The following RASGRP2 variants were observed in gnomAD, a reference collection of about 807,000 sequenced individuals.
RASGRP2 encodes the protein RAS guanyl-releasing protein 2.
RASGRP2 carries 44 observed loss-of-function variants against 71.0 expected under a neutral mutation model. The ratio of observed to expected loss-of-function variants is 0.62; its 90% confidence interval spans 0.49 to 0.80. The LOEUF (loss-of-function observed/expected upper bound fraction) is 0.80. Ranked by LOEUF, RASGRP2 falls within the 30% of genes least tolerant of loss-of-function variation. The probability of loss-of-function intolerance (pLI) is 0.00; values close to 1 mark genes in which losing one functional copy is unlikely to be tolerated. For missense variants in RASGRP2, 663 were observed against 813.4 expected, an observed-to-expected ratio of 0.82 and a Z score of 2.25; for synonymous variants, 350 against 330.7, an observed-to-expected ratio of 1.06 and a Z score of -0.63.
intron 12 of RASGRP2, among the ~76,000 whole-genome samples, chr11:64,733,395 AACACACACACACACACACACACACAC>A (rs4014428): frequency 8.0e-6 from 1 of 124,796 alleles, no homozygotes. Context: ...CCCCCTCACC[AACACACACACACACACACACACACAC>A]ACACACACAC....
At position 64,742,184 on chromosome 11, in the gene RASGRP2, A is replaced by AC. The variant is rs2058150190; in HGVS notation, c.74-73dup. 8.3e-7 allele frequency: 1 copy of AC among 1,203,768 alleles called. No homozygotes were observed. The highest frequency in any genetic ancestry group is 1.3e-5 in the South Asian group (1 of 77,116). The allele number at this position is 1,203,768 out of a possible 1,614,324, so 74.6% of individuals were successfully genotyped here. Reference sequence around the variant, plus strand: ...TACCATGCCTCATCCTCACCCCGCAACCCGCCAGGTATCGGTCCTTCGGGT... The same window carrying AC: ...TACCATGCCTCATCCTCACCCCGCAACCCCGCCAGGTATCGGTCCTTCGGGT... On this transcript the variant is annotated intron_variant, in intron 2 of 16. Transcript: ENST00000394432. This position sits in a 1 kb window ranked among gnomAD's most constrained non-coding sequence, Gnocchi z 4.7.
At chr11:64,730,318 G>A in intron 12 of RASGRP2, 124 bp from the exon 13 acceptor site, 1 of 1,266,076 alleles carries the variant, frequency 7.9e-7, no homozygotes, top group Non-Finnish European at 1.1e-6. Flanking sequence ...CTGTTGCAGA[G>A]TAAAGAAAAG....
chr11:64,727,751 G>A (rs1398268453), intron 15 of RASGRP2, among the ~76,000 whole-genome samples: 2 of 151,924 alleles, frequency 1.3e-5, no homozygotes, highest in African/African-American at 4.8e-5. Flanking sequence ...TCCTGACCTC[G>A]GGTGATCCAC....
rs758364639 is a variant in RASGRP2 at position 64,735,945 on chromosome 11, C to T, written c.1131G>A (p.Leu377=). Residue 377 remains leucine (L), a synonymous_variant, in exon 10 of 17, where the codon CTG becomes CTA. Coordinates refer to ENST00000394432, the MANE Select transcript of RASGRP2 (RefSeq NM_001098671.2). This position sits in a 1 kb window ranked among gnomAD's most constrained non-coding sequence, Gnocchi z 4.2. Reference sequence around the variant, plus strand: ...GCTCCCGCTGCAGGGACAGCTGGTACAGCTCATCCTCCGTCTGATACTGAT... The same window carrying T: ...GCTCCCGCTGCAGGGACAGCTGGTATAGCTCATCCTCCGTCTGATACTGAT... ...SLDQYQTEDE[L]YQLSLQREPR... is the part of the protein sequence containing the mutation. 1.9e-6 allele frequency: 3 copies of T among 1,613,900 alleles called. No individual in the cohort carries two copies. The highest frequency in any genetic ancestry group is 1.1e-5 in the South Asian group (1 of 91,074).
chr11:64,729,725 A>G, intron 14 of RASGRP2, 37 bp downstream of exon 14: 1 of 1,609,766 alleles, frequency 6.2e-7, no homozygotes, highest in Non-Finnish European at 8.5e-7. Context: ...AAAAAAAAAA[A>G]CACTGCCCAG....
In RASGRP2 at chr11:64,734,933, C is replaced by T. The variant is rs77537177; in HGVS notation, c.1412+179G>A. Among the ~76,000 whole-genome samples, 1,136 of 152,240 alleles carry T rather than the reference C, an allele frequency of 7.5e-3. 11 individuals are homozygous for T. Among genetic ancestry groups the T allele is most frequent in the African/African-American group, 0.021 (871 of 41,522 alleles). On this transcript the variant is annotated intron_variant, in intron 12 of 16. Coordinates refer to ENST00000394432, the MANE Select transcript of RASGRP2 (RefSeq NM_001098671.2). ...TGTCTGAATTTGTGAGATACCACTG[C>T]GCCTCCACAGCTGGCAGCCTCTCCT...
chr11:64,737,673 C>T (rs1254730866), intron 8 of RASGRP2, among the ~76,000 whole-genome samples: 4 of 59,954 alleles, frequency 6.7e-5, no homozygotes, highest in Admixed American at 3.9e-4. Flanking sequence ...AGCAAGACTC[C>T]ATCTCAAAAA....
chr11:64,736,014 C>A lies in RASGRP2; in HGVS notation c.1096-34G>T, dbSNP rs768055537. On this transcript the variant is annotated intron_variant, in intron 9 of 16. Coordinates refer to ENST00000394432, the MANE Select transcript of RASGRP2 (RefSeq NM_001098671.2). Reference sequence around the variant, plus strand: ...CACAGATCTGATCACCCCCACTGGCCCCTGCCCACAGCCACAGAGCCCAGG... The same window carrying A: ...CACAGATCTGATCACCCCCACTGGCACCTGCCCACAGCCACAGAGCCCAGG... 20 of 1,595,286 alleles carry A rather than the reference C, an allele frequency of 1.3e-5. No individual in the cohort carries two copies. The African/African-American group carries it at 2.5e-4, about 20-fold the overall frequency.
At chr11:64,744,407 C>CAGGCGGGGACGGCTCTGG, upstream of RASGRP2, 1 of 719,250 alleles carries the variant, frequency 1.4e-6, no homozygotes, top group Non-Finnish European at 1.7e-6. Context: ...CACCCAGAGC[C>CAGGCGGGGACGGCTCTGG]GTCCCCGCCT....
At chr11:64,740,683 A>G in intron 5 of RASGRP2, 1 of 651,452 alleles carries the variant, frequency 1.5e-6, no homozygotes, top group Admixed American at 2.2e-5. Flanking sequence ...CCATGATGAG[A>G]AAGGACTCGA....
In RASGRP2 at chr11:64,736,767, G is replaced by C. The variant is rs1382015882; in HGVS notation, c.1081C>G (p.Leu361Val). 2 of 1,592,156 alleles carry C rather than the reference G, an allele frequency of 1.3e-6. No homozygotes were observed. The highest frequency in any genetic ancestry group is 1.7e-6 in the Non-Finnish European group (2 of 1,169,944). Residue 361 changes from leucine to valine, a missense_variant, in exon 9 of 17, where the codon CTG (leucine) becomes GTG (valine). Physicochemically the swap from Leu to Val is conservative, Grantham distance 32. Coordinates refer to ENST00000394432, the MANE Select transcript of RASGRP2 (RefSeq NM_001098671.2). ...CTGCTCCTCACCGTGAGCAGGCTCA[G>C]CAGGTCGGGGTTGGCCTGTACTGGT... ...RPPVQANPDL[L>V]SLLTVSLDQY...
At position 64,741,035 on chromosome 11, in the gene RASGRP2, T is replaced by C; in HGVS notation, c.284A>G (p.Glu95Gly). 6.2e-7 allele frequency: 1 copy of C among 1,613,680 alleles called. No individual in the cohort carries two copies. Among genetic ancestry groups the C allele is most frequent in the Non-Finnish European group, 8.5e-7 (1 of 1,180,000 alleles). ...CAGCTCCTTGATCTGCTCAGCCAAC[T>C]CCGGGTTCAAGTCAAACTCCGCTGG... ...AFPAEFDLNP[E>G]LAEQIKELKA... Residue 95 changes from glutamate to glycine, a missense_variant, in exon 5 of 17, where the codon GAG (glutamate) becomes GGG (glycine). Coordinates refer to ENST00000394432, the MANE Select transcript of RASGRP2 (RefSeq NM_001098671.2).
intron 12 of RASGRP2, among the ~76,000 whole-genome samples, chr11:64,730,977 A>G (rs937941930): frequency 8.6e-5 from 13 of 151,946 alleles, no homozygotes; most frequent in Admixed American, 8.5e-4. Flanking sequence ...CTCGCTTGAG[A>G]CTCCCACCTG....
At chr11:64,732,182 TG>T (rs2057784569) in intron 12 of RASGRP2, among the ~76,000 whole-genome samples, 1 of 151,978 alleles carries the variant, frequency 6.6e-6, no homozygotes, top group African/African-American at 2.4e-5. Context: ...AGCACAAAGA[TG>T]AAAAAAAACA....
At position 64,742,753 on chromosome 11, in the gene RASGRP2, G is replaced by T; in HGVS notation, c.73+41C>A. The T allele has an allele frequency of 6.3e-7, 1 of 1,577,378 alleles. No homozygotes were observed. The highest frequency in any genetic ancestry group is 8.6e-7 in the Non-Finnish European group (1 of 1,162,470). On this transcript the variant is annotated intron_variant, in intron 2 of 16. Transcript: ENST00000394432. This position sits in a 1 kb window ranked among gnomAD's most constrained non-coding sequence, Gnocchi z 4.7. ...AGGCAGGGACCCGGGCTCAGACTCG[G>T]GGCTAGGCTCAGGCTCCGTGTGCCC...
In RASGRP2 at chr11:64,742,981, G is replaced by T. The variant is rs183319764; in HGVS notation, c.-71-44C>A. On this transcript the variant is annotated intron_variant, in intron 1 of 16. Coordinates refer to ENST00000394432, the MANE Select transcript of RASGRP2 (RefSeq NM_001098671.2). The surrounding 1 kb of genome is among the most constrained non-coding windows in gnomAD (Gnocchi z 4.7). Reference sequence around the variant, plus strand: ...AGCGGGAGTCTGCGGAGTCGCGGGCGGGGGAGCGGCCCCGCGGGCAGAAAC... The same window carrying T: ...AGCGGGAGTCTGCGGAGTCGCGGGCTGGGGAGCGGCCCCGCGGGCAGAAAC... 2.5e-5 allele frequency: 37 copies of T among 1,506,432 alleles called. No homozygotes were observed. The highest frequency in any genetic ancestry group is 3.0e-5 in the Non-Finnish European group (34 of 1,131,990). The allele number at this position is 1,506,432 out of a possible 1,614,324, so 93.3% of individuals were successfully genotyped here.
chr11:64,730,246 A>T (rs2057722585), intron 12 of RASGRP2, 52 bp from the exon 13 acceptor site: 1 of 1,550,098 alleles, frequency 6.5e-7, no homozygotes, highest in South Asian at 1.2e-5. Flanking sequence ...AGAACCATCC[A>T]CCGCTGGCCT....
Position 64,727,035 on chromosome 11 carries a change from C to A in RASGRP2, c.*103G>T. The A allele has an allele frequency of 2.4e-6, 1 of 410,076 alleles. No individual in the cohort carries two copies. Among genetic ancestry groups the A allele is most frequent in the South Asian group, 2.1e-5 (1 of 48,338 alleles). 25.4% of individuals were successfully genotyped at this position (410,076 alleles called of 1,614,324 possible). A position where few individuals can be genotyped will look rare whatever the true frequency, so the allele number is the denominator to read the frequency against. ...AGCTGCATGCCACCCTCATATCCCACCCCCATCCCCAGCCTCCTGCCCCGA... is the reference window on the plus strand; with the variant it reads ...AGCTGCATGCCACCCTCATATCCCAACCCCATCCCCAGCCTCCTGCCCCGA... On this transcript the variant is annotated 3_prime_UTR_variant, in exon 17 of 17. Transcript: ENST00000394432.
chr11:64,732,817 G>A (rs1012325004), intron 12 of RASGRP2, among the ~76,000 whole-genome samples: 1 of 151,216 alleles, frequency 6.6e-6, no homozygotes, highest in African/African-American at 2.4e-5. Flanking sequence ...AGGCATGGTG[G>A]CGCGCGCCTG....
Sources: allele counts gnomAD v4.1 joint callset (sites outside exome capture counted in the v4.1 genomes callset), GRCh38; gene constraint gnomAD v4.1.1; non-coding constraint Gnocchi (gnomAD v3.1); transcripts MANE v1.5; gene names NCBI Gene and HGNC (gene_info 2026-07-23, HGNC 2026-07-21).